SLC17A2: variants seen among roughly 807,000 people sequenced by gnomAD.
SLC17A2 encodes sodium-dependent phosphate transport protein 3.
Under a neutral mutation model 52.1 loss-of-function variants are expected in SLC17A2, and 38 were observed. That is an observed-to-expected ratio of 0.73 (90% CI 0.56 to 0.96). The LOEUF (loss-of-function observed/expected upper bound fraction) is 0.96. SLC17A2 is among the 40% of genes least tolerant of loss of function. The pLI is 0.00. For synonymous variants in SLC17A2, 226 were observed against 211.9 expected (o/e 1.07, Z -0.58); for missense variants, 508 against 583.9 (o/e 0.87, Z 1.34).
intron 6 of SLC17A2, among the ~76,000 whole-genome samples, chr6:25,917,858 C>T (rs754490644): frequency 6.6e-6 from 1 of 152,172 alleles, no homozygotes; most frequent in Non-Finnish European, 1.5e-5. Flanking sequence ...CATGATGACA[C>T]CCAAGTGATG....
chr6:25,925,439 G>C (rs1766725332), intron 2 of SLC17A2, among the ~76,000 whole-genome samples: 1 of 151,448 alleles, frequency 6.6e-6, no homozygotes, highest in Non-Finnish European at 1.5e-5. Context: ...CTTGAACCCG[G>C]GAGGCAGAGG....
Position 25,915,626 on chromosome 6 carries a change from A to C in SLC17A2, c.1084T>G (p.Cys362Gly). ...GCCACAAAGGGCAGGGCCACAGCAC[A>C]TATTGATGGAAGGAGGAGCCCTGGG... ...SSLGLLLPSICAVALPFVASS... is the reference protein window; with the variant it reads ...SSLGLLLPSIGAVALPFVASS... The change falls in exon 10 of 12, where the codon TGT becomes GGT. Residue 362 changes from cysteine to glycine, a missense_variant. Coordinates refer to ENST00000377850, the MANE Select transcript of SLC17A2 (RefSeq NM_001286123.3). 6.2e-7 allele frequency: 1 copy of C among 1,613,890 alleles called. No individual in the cohort carries two copies. Among genetic ancestry groups the C allele is most frequent in the Non-Finnish European group, 8.5e-7 (1 of 1,179,856 alleles).
chr6:25,925,977 G>A, intron 1 of SLC17A2, 98 bp from the exon 2 acceptor site: 1 of 667,596 alleles, frequency 1.5e-6, no homozygotes. Flanking sequence ...ACCCAACACA[G>A]CTCTATAACT....
intron 5 of SLC17A2, among the ~76,000 whole-genome samples, chr6:25,919,632 G>A (rs548879105): frequency 6.9e-6 from 1 of 145,956 alleles, no homozygotes; most frequent in East Asian, 2.2e-4. Context: ...CCCGGGAGGC[G>A]GAGCTTGCAG....
intron 5 of SLC17A2, 121 bp downstream of exon 5, chr6:25,920,885 T>G (rs751902357): frequency 3.6e-6 from 3 of 829,396 alleles, no homozygotes; most frequent in Non-Finnish European, 5.8e-6. Flanking sequence ...AAGTGTCTTA[T>G]ATTGTTGAAT....
intron 1 of SLC17A2, among the ~76,000 whole-genome samples, chr6:25,926,405 T>A (rs929101643): frequency 1.3e-5 from 2 of 152,230 alleles, no homozygotes; most frequent in Admixed American, 6.5e-5. Flanking sequence ...ATGTATTACA[T>A]TTAAAAGTTT....
chr6:25,919,699 C>CAAAAAATAAAAAAAAA (rs1766474143), intron 5 of SLC17A2, among the ~76,000 whole-genome samples: 1 of 31,144 alleles, frequency 3.2e-5, no homozygotes, highest in Non-Finnish European at 6.2e-5. Context: ...GACACCGTCT[C>CAAAAAATAAAAAAAAA]AAAAAAAAAA....
At chr6:25,921,821 A>C (rs1450171270) in intron 3 of SLC17A2, among the ~76,000 whole-genome samples, 1 of 152,138 alleles carries the variant, frequency 6.6e-6, no homozygotes, top group Non-Finnish European at 1.5e-5. Context: ...ATCAGTGCCT[A>C]ATTAAAAAGA....
chr6:25,923,949 G>T, intron 2 of SLC17A2, 43 bp from the exon 3 acceptor site: 1 of 1,477,290 alleles, frequency 6.8e-7, no homozygotes, highest in African/African-American at 1.4e-5. Flanking sequence ...TCCTGACTGA[G>T]ACCCCTTTCT....
rs549166299 is a variant in SLC17A2, at chr6:25,917,211, G to A, written c.650-124C>T. 16 of 706,126 alleles carry A rather than the reference G, an allele frequency of 2.3e-5. No homozygotes were observed. In the East Asian group the frequency reaches 3.6e-4, roughly 16 times the overall value. The allele number at this position is 706,126 out of a possible 1,614,324, so 43.7% of individuals were successfully genotyped here. A position where few individuals can be genotyped will look rare whatever the true frequency, so the allele number is the denominator to read the frequency against. On this transcript the variant is annotated intron_variant, in intron 6 of 11. Transcript: ENST00000377850. ...CAATTAATGCTTATTCTACCATAAG[G>A]ACCTAAATGTTCCCATTCTTTCTTT...
chr6:25,916,616 T>C (rs1766327170), intron 8 of SLC17A2, 69 bp downstream of exon 8: 2 of 1,284,684 alleles, frequency 1.6e-6, no homozygotes, highest in East Asian at 2.3e-5. Context: ...CAGAATGTAA[T>C]AGGTAACACA....
intron 1 of SLC17A2, among the ~76,000 whole-genome samples, chr6:25,930,049 C>T (rs1232801822): frequency 6.6e-6 from 1 of 152,162 alleles, no homozygotes; most frequent in Non-Finnish European, 1.5e-5. Context: ...AACTCCTGAC[C>T]TCAAGTGATC....
chr6:25,922,327 G>A (rs919136630), intron 3 of SLC17A2, among the ~76,000 whole-genome samples: 1 of 152,178 alleles, frequency 6.6e-6, no homozygotes, highest in Admixed American at 6.5e-5. Context: ...ATGATTTGTA[G>A]AAAGTCAAAA....
chr6:25,918,230 G>A (rs1766402241), intron 6 of SLC17A2, among the ~76,000 whole-genome samples: 1 of 152,238 alleles, frequency 6.6e-6, no homozygotes, highest in Non-Finnish European at 1.5e-5. Flanking sequence ...GGAAGGACAA[G>A]ACTGCATCAC....
rs373969285 is a variant in SLC17A2, at chr6:25,923,111, C to T, written c.240+584G>A. Among the ~76,000 whole-genome samples, 24 of 152,194 alleles carry T rather than the reference C, an allele frequency of 1.6e-4. No individual in the cohort carries two copies. In the East Asian group the frequency reaches 2.1e-3, roughly 13 times the overall value. On this transcript the variant is annotated intron_variant, in intron 3 of 11. Transcript: ENST00000377850. ...CCGAGACAGGAAAATCTCTTGAACC[C>T]GGGAGGCGGAGGCTGCAGTGAGCTG...
intron 6 of SLC17A2, among the ~76,000 whole-genome samples, chr6:25,918,266 T>C (rs1766403950): frequency 6.6e-6 from 1 of 152,162 alleles, no homozygotes; most frequent in Non-Finnish European, 1.5e-5. Context: ...ATGTGAATAG[T>C]CAACTCCTCT....
chr6:25,925,990 C>T (rs954504097), intron 1 of SLC17A2, 111 bp from the exon 2 acceptor site: 81 of 637,714 alleles, frequency 1.3e-4, no homozygotes, highest in Non-Finnish European at 2.0e-4. Flanking sequence ...CTATAACTTA[C>T]ATTTTATGGG....
chr6:25,918,908 T>C (rs1158455333), intron 5 of SLC17A2, among the ~76,000 whole-genome samples: 1 of 152,176 alleles, frequency 6.6e-6, no homozygotes, highest in Non-Finnish European at 1.5e-5. Context: ...TGATCTAATA[T>C]GAGGCTAGGG....
At chr6:25,918,141 C>A (rs1228129315) in intron 6 of SLC17A2, among the ~76,000 whole-genome samples, 1 of 152,218 alleles carries the variant, frequency 6.6e-6, no homozygotes, top group Non-Finnish European at 1.5e-5. Flanking sequence ...AAATGTACTT[C>A]ACTATCTTTG....
Sources: gnomAD v4.1 joint callset for allele counts (sites outside exome capture counted in the v4.1 genomes callset) on GRCh38, gnomAD v4.1.1 for gene constraint, MANE v1.5 for transcripts, NCBI Gene and HGNC (gene_info 2026-07-23, HGNC 2026-07-21) for gene names.